The following TNRC6B variants were observed in gnomAD, a reference collection of about 807,000 sequenced individuals.
TNRC6B encodes the protein trinucleotide repeat-containing gene 6B protein.
Under a neutral mutation model 203.6 loss-of-function variants are expected in TNRC6B, and 52 were observed. The ratio of observed to expected loss-of-function variants is 0.26; its 90% CI spans 0.20 to 0.32. The LOEUF (loss-of-function observed/expected upper bound fraction) is 0.32, where lower values mean the gene tolerates loss of function less well. Among genes scored for constraint, TNRC6B ranks in the 10% least tolerant of loss-of-function variants. The pLI is 1.00. For synonymous variants in TNRC6B, 838 were observed against 845.7 expected, an observed-to-expected ratio of 0.99 and a Z score of 0.16; for missense variants, 1,923 against 2,286.2, an observed-to-expected ratio of 0.84 and a Z score of 3.24.
intron 5 of TNRC6B, 59 bp downstream of exon 5, chr22:40,267,095 A>G (rs891824908): frequency 1.4e-6 from 2 of 1,434,916 alleles, no homozygotes; most frequent in Non-Finnish European, 1.8e-6. Context: ...AGACCAAGGC[A>G]TTTTTATTAG....
intron 1 of TNRC6B, among the ~76,000 whole-genome samples, chr22:40,108,700 G>T (rs1195308991): frequency 1.3e-5 from 2 of 152,136 alleles, no homozygotes; most frequent in East Asian, 3.8e-4. Context: ...AAAGAAATTT[G>T]CAAAGATGTA....
intron 1 of TNRC6B, among the ~76,000 whole-genome samples, chr22:40,055,465 G>T (rs941705697): frequency 6.6e-6 from 1 of 152,148 alleles, no homozygotes; most frequent in African/African-American, 2.4e-5. Context: ...TGGCATTAGG[G>T]TACAGGGCTA....
intron 1 of TNRC6B, among the ~76,000 whole-genome samples, chr22:40,225,985 C>G (rs562264248): frequency 6.6e-6 from 1 of 152,290 alleles, no homozygotes; most frequent in Non-Finnish European, 1.5e-5. Context: ...TAGTTGTTAT[C>G]AAAATGCTGT....
chr22:40,331,645 ATTTTTTTTTT>A lies in TNRC6B; in HGVS notation c.*8420_*8429del, dbSNP rs10534254. On this transcript the variant is annotated 3_prime_UTR_variant, in exon 23 of 23. Transcript: ENST00000454349. ...ACTGAATTTAAGAAGAGGTTGTTGG[ATTTTTTTTTT>A]TTTTTTTTTTTTTTTCAAAAAAAAA... is the stretch of plus-strand genomic sequence containing the variant. 7.5e-5 allele frequency: 10 copies of A among 133,252 alleles called. No individual in the cohort carries two copies. Among genetic ancestry groups the A allele is most frequent in the Admixed American group, 1.4e-4 (1 of 7,064 alleles). 8.3% of individuals were successfully genotyped at this position (133,252 alleles called of 1,614,324 possible).
chr22:40,159,562 C>A (rs1479345126), intron 4 of TNRC6B, among the ~76,000 whole-genome samples: 5 of 151,566 alleles, frequency 3.3e-5, no homozygotes, highest in Non-Finnish European at 7.4e-5. Context: ...TGGCGTGAAC[C>A]CAGAAGGCGG....
intron 1 of TNRC6B, among the ~76,000 whole-genome samples, chr22:40,115,326 TGATA>T (rs1419521369): frequency 6.6e-6 from 1 of 152,224 alleles, no homozygotes; most frequent in Non-Finnish European, 1.5e-5. Context: ...GTTATTCTCT[TGATA>T]GTCTCTGCGG....
Position 40,324,918 on chromosome 22 carries a change from C to T in TNRC6B, c.*1677C>T, listed in dbSNP as rs939964888. 3.3e-5 allele frequency: 5 copies of T among 151,372 alleles called. No homozygotes were observed. In the South Asian group the frequency reaches 6.2e-4, roughly 19 times the overall value. The allele number at this position is 151,372 out of a possible 1,614,324, so 9.4% of individuals were successfully genotyped here. A position where few individuals can be genotyped will look rare whatever the true frequency, so the allele number is the denominator to read the frequency against. ...GTACTCTGGGCCGAACAGGGGTCAA[C>T]GTTTAATCTACAGTTATCACCAACA... On this transcript the variant is annotated 3_prime_UTR_variant, in exon 23 of 23. Transcript: ENST00000454349.
At chr22:40,220,981 A>G (rs1420933680) in intron 1 of TNRC6B, among the ~76,000 whole-genome samples, 6 of 152,194 alleles carry the variant, frequency 3.9e-5, no homozygotes, top group Admixed American at 3.9e-4. Context: ...GCCCCGCCTC[A>G]CATGCCTTTA....
At chr22:40,143,874 C>T (rs1601839117) in intron 3 of TNRC6B, among the ~76,000 whole-genome samples, 1 of 152,052 alleles carries the variant, frequency 6.6e-6, no homozygotes, top group South Asian at 2.1e-4. Context: ...TAAAGAATTA[C>T]CAAAAATCAG....
intron 1 of TNRC6B, among the ~76,000 whole-genome samples, chr22:40,072,283 G>T (rs572229273): frequency 6.6e-6 from 1 of 152,152 alleles, no homozygotes; most frequent in East Asian, 1.9e-4. Flanking sequence ...TGACAGTGAG[G>T]TTTCCCTAAC....
At chr22:40,136,121 T>C (rs2068597014) in intron 3 of TNRC6B, among the ~76,000 whole-genome samples, 1 of 152,166 alleles carries the variant, frequency 6.6e-6, no homozygotes, top group Non-Finnish European at 1.5e-5. Flanking sequence ...AATCTTTCTT[T>C]ATGGTTCTTA....
At chr22:40,099,280 A>G (rs565218323) in intron 1 of TNRC6B, among the ~76,000 whole-genome samples, 73 of 152,066 alleles carry the variant, frequency 4.8e-4, no homozygotes, top group African/African-American at 1.6e-3. Flanking sequence ...AAAAAAAAAC[A>G]TACAGTAAGG....
intron 4 of TNRC6B, among the ~76,000 whole-genome samples, chr22:40,262,933 G>A (rs529081808): frequency 1.4e-4 from 21 of 151,960 alleles, no homozygotes; most frequent in Admixed American, 3.9e-4. Context: ...CCAGCTACTC[G>A]GGAGGCTGAG....
chr22:40,235,089 CTTAA>C (rs1314353107), intron 1 of TNRC6B, among the ~76,000 whole-genome samples: 1 of 152,138 alleles, frequency 6.6e-6, no homozygotes, highest in Non-Finnish European at 1.5e-5. Flanking sequence ...GTCATTAATC[CTTAA>C]TTAGTTATAA....
chr22:40,089,859 C>G (rs758104986), intron 1 of TNRC6B, among the ~76,000 whole-genome samples: 1 of 152,162 alleles, frequency 6.6e-6, no homozygotes, highest in African/African-American at 2.4e-5. Flanking sequence ...CCCTCCATCT[C>G]CCTGTCTTCT....
chr22:40,222,767 G>A (rs1291482693), intron 1 of TNRC6B, among the ~76,000 whole-genome samples: 2 of 20,314 alleles, frequency 9.8e-5, no homozygotes, highest in East Asian at 3.3e-3. Flanking sequence ...TTTTTGAGAC[G>A]GAGTTTTGCT....
intron 1 of TNRC6B, among the ~76,000 whole-genome samples, chr22:40,089,227 A>G (rs1488588948): frequency 6.6e-6 from 1 of 152,112 alleles, no homozygotes; most frequent in Non-Finnish European, 1.5e-5. Context: ...TGATTTCTTC[A>G]TAGACTTTTT....
At chr22:40,107,102 T>C (rs950581176) in intron 1 of TNRC6B, 22 of 664,516 alleles carry the variant, frequency 3.3e-5, no homozygotes, top group Non-Finnish European at 3.2e-5. Flanking sequence ...TATCTTTTGA[T>C]GAACAAATAC....
chr22:40,086,381 C>T (rs945749438), intron 1 of TNRC6B, among the ~76,000 whole-genome samples: 18 of 152,076 alleles, frequency 1.2e-4, no homozygotes, highest in African/African-American at 4.3e-4. Context: ...GATGTGAATC[C>T]ATTGCAATGA....
Sources: gnomAD v4.1 joint callset for allele counts (sites outside exome capture counted in the v4.1 genomes callset) on GRCh38, gnomAD v4.1.1 for gene constraint, MANE v1.5 for transcripts, NCBI Gene and HGNC (gene_info 2026-07-23, HGNC 2026-07-21) for gene names.